Variants in FAM3D observed in about 807,000 individuals in gnomAD.
FAM3D encodes protein FAM3D.
In FAM3D, 26 loss-of-function variants were observed where a neutral mutation model predicts 29.8. The ratio of observed to expected loss-of-function variants is 0.87; its 90% confidence interval spans 0.64 to 1.21. The LOEUF is 1.21. Ranked by LOEUF, FAM3D falls within the 50% of genes most tolerant of loss-of-function variation. The probability of loss-of-function intolerance (pLI) is 0.00; values close to 1 mark genes in which losing one functional copy is unlikely to be tolerated. For missense variants in FAM3D, 253 were observed against 290.9 expected, an observed-to-expected ratio of 0.87 and a Z score of 0.95; for synonymous variants, 115 against 102.3, an observed-to-expected ratio of 1.12 and a Z score of -0.75.
chr3:58,663,378 C>T (rs2099961), intron 1 of FAM3D, among the ~76,000 whole-genome samples: 121,681 of 152,128 alleles, frequency 0.8, 50,000 homozygotes, highest in Non-Finnish European at 0.9. Context: ...CACAGAGTGC[C>T]GGGGGTGTCA....
intron 1 of FAM3D, among the ~76,000 whole-genome samples, chr3:58,663,698 G>C (rs2066975554): frequency 6.6e-6 from 1 of 152,134 alleles, no homozygotes; most frequent in African/African-American, 2.4e-5. Flanking sequence ...CCTCCTTCCT[G>C]ATGGCTTCCA....
At chr3:58,665,455 G>A (rs371494422) in intron 1 of FAM3D, among the ~76,000 whole-genome samples, 17 of 152,202 alleles carry the variant, frequency 1.1e-4, no homozygotes, top group African/African-American at 3.9e-4. Flanking sequence ...CTATCTCCAT[G>A]GTGTATGTCA....
chr3:58,644,328 G>C (rs370681473), intron 5 of FAM3D, among the ~76,000 whole-genome samples: 2 of 152,164 alleles, frequency 1.3e-5, no homozygotes, highest in Non-Finnish European at 2.9e-5. Context: ...GGAGGTAATT[G>C]AATCATGGGG....
At chr3:58,649,453 T>G in intron 3 of FAM3D, 115 bp from the exon 4 acceptor site, 27 of 1,227,802 alleles carry the variant, frequency 2.2e-5, no homozygotes, top group Non-Finnish European at 2.8e-5. Context: ...TTGGCGCCAT[T>G]GAAATGAACT....
At chr3:58,655,984 T>C (rs1184323286) in intron 1 of FAM3D, among the ~76,000 whole-genome samples, 3 of 152,158 alleles carry the variant, frequency 2.0e-5, no homozygotes, top group Admixed American at 2.0e-4. Flanking sequence ...CATCCTTCCA[T>C]CCATCCATCC....
At position 58,652,861 on chromosome 3, in the gene FAM3D, T is replaced by C. The variant is rs773572524; in HGVS notation, c.121+813A>G. Among the ~76,000 whole-genome samples, 117 of 72,622 alleles carry C rather than the reference T, an allele frequency of 1.6e-3. 2 individuals carry two copies. In the South Asian group the frequency reaches 0.072, roughly 45 times the overall value. 47.6% of individuals were successfully genotyped at this position (72,622 alleles called of 152,430 possible). On this transcript the variant is annotated intron_variant, in intron 3 of 9. Coordinates refer to ENST00000358781, the MANE Select transcript of FAM3D (RefSeq NM_138805.3). ...TCATCCATCCATCTGTCCATCCATC[T>C]GTCCATCCATCCATCCATCCATCCA...
chr3:58,635,973 A>G lies in FAM3D; in HGVS notation c.585+321T>C, dbSNP rs1006359878. Among the ~76,000 whole-genome samples, 2 of 152,178 alleles carry G rather than the reference A, an allele frequency of 1.3e-5. No homozygotes were observed. The highest frequency in any genetic ancestry group is 2.9e-5 in the Non-Finnish European group (2 of 68,042). On this transcript the variant is annotated intron_variant, in intron 9 of 9. Transcript: ENST00000358781. This position sits in a 1 kb window ranked among gnomAD's most constrained non-coding sequence, Gnocchi z 5.2. The stretch of plus-strand genomic sequence containing the variant: ...CCCGGGATCCCCTTCCCCGCCACAC[A>G]GCTCCATGTCTCCATTTCTTTCTCG...
chr3:58,644,535 C>T (rs1403644464), intron 5 of FAM3D, among the ~76,000 whole-genome samples: 3 of 152,154 alleles, frequency 2.0e-5, no homozygotes, highest in Admixed American at 6.5e-5. Flanking sequence ...AATCTTTTTC[C>T]TGGATAAATT....
At chr3:58,637,072 G>GGT (rs2106706653) in intron 8 of FAM3D, 69 bp downstream of exon 8, 1 of 1,321,750 alleles carries the variant, frequency 7.6e-7, no homozygotes, top group East Asian at 2.4e-5. Context: ...AGCAGAAAAG[G>GGT]GTGTGCAGGG....
Position 58,655,235 on chromosome 3 carries a change from T to C in FAM3D, c.13+316A>G, listed in dbSNP as rs2066759216. Among the ~76,000 whole-genome samples, 3 of 152,160 alleles carry C rather than the reference T, an allele frequency of 2.0e-5. No homozygotes were observed. In the South Asian group the frequency reaches 6.2e-4, roughly 32 times the overall value. On this transcript the variant is annotated intron_variant, in intron 2 of 9. Transcript: ENST00000358781. ...GGCCTTTGCCTCCCTCTAGAATTTTTATGGTATAAAAATTCTAGAATAGCC... is the reference window on the plus strand; with the variant it reads ...GGCCTTTGCCTCCCTCTAGAATTTTCATGGTATAAAAATTCTAGAATAGCC...
intron 2 of FAM3D, among the ~76,000 whole-genome samples, chr3:58,654,395 C>T (rs2066729947): frequency 6.6e-6 from 1 of 152,200 alleles, no homozygotes; most frequent in Non-Finnish European, 1.5e-5. Flanking sequence ...TCCATCAATT[C>T]TCCCTCAAGG....
At position 58,635,724 on chromosome 3, in the gene FAM3D, A is replaced by G. The variant is rs1397518104; in HGVS notation, c.585+570T>C. On this transcript the variant is annotated intron_variant, in intron 9 of 9. Transcript: ENST00000358781. The surrounding 1 kb of genome is among the most constrained non-coding windows in gnomAD (Gnocchi z 5.2). ...AATACATCCTCTTAGAAACACACGC[A>G]TACAGACCAAGACCACATTTTCTAG... Among the ~76,000 whole-genome samples, 1 of 152,240 alleles carries G rather than the reference A, an allele frequency of 6.6e-6. No individual in the cohort carries two copies. The highest frequency in any genetic ancestry group is 1.5e-5 in the Non-Finnish European group (1 of 68,052).
At position 58,634,371 on chromosome 3, in the gene FAM3D, A is replaced by G; in HGVS notation, c.586-3T>C. On this transcript the variant is annotated splice_region_variant and splice_polypyrimidine_tract_variant and intron_variant, in intron 9 of 9. Coordinates refer to ENST00000358781, the MANE Select transcript of FAM3D (RefSeq NM_138805.3). This position sits in a 1 kb window ranked among gnomAD's most constrained non-coding sequence, Gnocchi z 4.6. ...GTGTCTGGGCTGTTCTTTAAGAACTAGAGAGAGAGAAGACAGAGAAATATA... is the reference window on the plus strand; with the variant it reads ...GTGTCTGGGCTGTTCTTTAAGAACTGGAGAGAGAGAAGACAGAGAAATATA... 6.2e-7 allele frequency: 1 copy of G among 1,610,842 alleles called. No individual in the cohort carries two copies. Among genetic ancestry groups the G allele is most frequent in the Non-Finnish European group, 8.5e-7 (1 of 1,177,830 alleles).
Position 58,635,018 on chromosome 3 carries a change from T to TA in FAM3D, c.586-651dup, listed in dbSNP as rs897506957. ...TGGGAGACCCTGTCTCTAGAAAACA[T>TA]AAAAAAATTAGCTGGATGTGGTGGC... On this transcript the variant is annotated intron_variant, in intron 9 of 9. Coordinates refer to ENST00000358781, the MANE Select transcript of FAM3D (RefSeq NM_138805.3). This position sits in a 1 kb window ranked among gnomAD's most constrained non-coding sequence, Gnocchi z 5.2. 1.3e-5 allele frequency among the ~76,000 whole-genome samples: 2 copies of TA among 151,738 alleles called. No individual in the cohort carries two copies. Among genetic ancestry groups the TA allele is most frequent in the African/African-American group, 2.4e-5 (1 of 41,280 alleles).
chr3:58,649,345 A>G lies in FAM3D; in HGVS notation c.122-7T>C. 1 of 1,613,548 alleles carries G rather than the reference A, an allele frequency of 6.2e-7. No homozygotes were observed. The highest frequency in any genetic ancestry group is 8.5e-7 in the Non-Finnish European group (1 of 1,179,804). On this transcript the variant is annotated splice_region_variant and splice_polypyrimidine_tract_variant and intron_variant, in intron 3 of 9. Coordinates refer to ENST00000358781, the MANE Select transcript of FAM3D (RefSeq NM_138805.3). ...TCCTTGGTGGGCGAGGCTGCTGGAG[A>G]GAAGACAGAATCTGGTTAGAGGAAA...
chr3:58,663,841 A>ACTCCCTG (rs1553637762), intron 1 of FAM3D, among the ~76,000 whole-genome samples: 3 of 151,840 alleles, frequency 2.0e-5, no homozygotes, highest in Non-Finnish European at 2.9e-5. Context: ...CTGCTGGGTG[A>ACTCCCTG]CTCCCAGCTC....
rs780013399 is a variant in FAM3D at position 58,637,186 on chromosome 3, C to T, written c.413G>A (p.Gly138Glu). The T allele has an allele frequency of 1.2e-6, 2 of 1,613,978 alleles. No individual in the cohort carries two copies. Among genetic ancestry groups the T allele is most frequent in the South Asian group, 1.1e-5 (1 of 91,030 alleles). The change falls in exon 8 of 10, where the codon GGG (glycine) becomes GAG (glutamate). Residue 138 changes from glycine to glutamate, a missense_variant. Transcript: ENST00000358781. ...GGAGGCCACCAGCACCAGTGCACCCCCCGGAATTTCTTTAAGGAATTTCAC... is the reference window on the plus strand; with the variant it reads ...GGAGGCCACCAGCACCAGTGCACCCTCCGGAATTTCTTTAAGGAATTTCAC... ...HLVKFLKEIP[G>E]GALVLVASYD... is the part of the protein sequence containing the mutation.
chr3:58,656,486 G>T (rs1252913218), intron 1 of FAM3D, among the ~76,000 whole-genome samples: 2 of 151,890 alleles, frequency 1.3e-5, no homozygotes, highest in East Asian at 1.9e-4. Context: ...TCTGAGCAGG[G>T]CAGGGTCATC....
rs1022437118 is a variant in FAM3D at position 58,634,432 on chromosome 3, A to G, written c.586-64T>C. ...GAGGCTGTTCAGAACTCATGCCCAC[A>G]TGGACACTGTGCTCTAAACCTAAAT... On this transcript the variant is annotated intron_variant, in intron 9 of 9. Coordinates refer to ENST00000358781, the MANE Select transcript of FAM3D (RefSeq NM_138805.3). The surrounding 1 kb of genome is among the most constrained non-coding windows in gnomAD (Gnocchi z 4.6). 9 of 1,433,576 alleles carry G rather than the reference A, an allele frequency of 6.3e-6. No homozygotes were observed. Among genetic ancestry groups the G allele is most frequent in the Non-Finnish European group, 7.8e-6 (8 of 1,026,814 alleles). The allele number at this position is 1,433,576 out of a possible 1,614,324, so 88.8% of individuals were successfully genotyped here.
Sources: allele counts gnomAD v4.1 joint callset (sites outside exome capture counted in the v4.1 genomes callset), GRCh38; gene constraint gnomAD v4.1.1; non-coding constraint Gnocchi (gnomAD v3.1); transcripts MANE v1.5; gene names NCBI Gene and HGNC (gene_info 2026-07-23, HGNC 2026-07-21).